GPHN: variants seen among roughly 807,000 people sequenced by gnomAD.
GPHN encodes the protein gephyrin.
Under a neutral mutation model 95.5 loss-of-function variants are expected in GPHN, and 17 were observed. That is an observed-to-expected ratio of 0.18 (90% confidence interval 0.12 to 0.27). GPHN has a LOEUF of 0.27. Ranked by LOEUF, GPHN falls within the 10% of genes least tolerant of loss-of-function variation. GPHN has a pLI of 1.00. For synonymous variants in GPHN, 320 were observed against 322.5 expected (o/e 0.99, Z 0.08); for missense variants, 660 against 978.1 (o/e 0.67, Z 4.34).
the GPHN span, among the ~76,000 whole-genome samples, chr14:67,399,738 G>T: frequency 1.3e-5 from 2 of 151,916 alleles, no homozygotes; most frequent in African/African-American, 2.4e-5. Context: ...GTCTCAGGTG[G>T]CAGGAATAAA....
intron 12 of GPHN, among the ~76,000 whole-genome samples, chr14:67,096,376 G>C (rs1210260572): frequency 6.6e-6 from 1 of 152,034 alleles, no homozygotes; most frequent in Non-Finnish European, 1.5e-5. Context: ...ATGACCTCCA[G>C]CTACTCATTA....
chr14:67,355,615 C>G, the GPHN span, among the ~76,000 whole-genome samples: 1 of 152,028 alleles, frequency 6.6e-6, no homozygotes. Context: ...GAGACTAGAA[C>G]AGCCAAAGGA....
intron 2 of GPHN, among the ~76,000 whole-genome samples, chr14:66,731,591 G>A (rs1469846351): frequency 6.6e-6 from 1 of 152,232 alleles, no homozygotes; most frequent in Non-Finnish European, 1.5e-5. Flanking sequence ...GTTTAAAAGG[G>A]AAGCAGAGCA....
chr14:66,976,925 G>T (rs546800153), intron 9 of GPHN, among the ~76,000 whole-genome samples: 1 of 131,276 alleles, frequency 7.6e-6, no homozygotes, highest in East Asian at 2.6e-4. Context: ...TGGGGGGGGG[G>T]GGAGTACACT....
At chr14:67,656,123 G>A in the GPHN span, among the ~76,000 whole-genome samples, 2 of 151,964 alleles carry the variant, frequency 1.3e-5, no homozygotes, top group Non-Finnish European at 2.9e-5. Context: ...GCGCATGCCT[G>A]TAATCCCAGC....
At chr14:67,017,920 T>C (rs1180198446) in intron 9 of GPHN, among the ~76,000 whole-genome samples, 1 of 152,086 alleles carries the variant, frequency 6.6e-6, no homozygotes, top group Non-Finnish European at 1.5e-5. Context: ...AAATAAATTT[T>C]AGTCTGCTGA....
At chr14:67,655,525 T>C in the GPHN span, among the ~76,000 whole-genome samples, 1 of 151,492 alleles carries the variant, frequency 6.6e-6, no homozygotes, top group Admixed American at 6.5e-5. Context: ...TTTTCCCTAT[T>C]ACTTTTTTTT....
the GPHN span, among the ~76,000 whole-genome samples, chr14:67,726,438 G>T: frequency 2.0e-5 from 3 of 152,186 alleles, no homozygotes; most frequent in Non-Finnish European, 4.4e-5. Context: ...TGCCAGGCAG[G>T]GCCAGACCTG....
intron 18 of GPHN, among the ~76,000 whole-genome samples, chr14:67,149,635 T>C (rs1159959463): frequency 6.6e-6 from 1 of 152,244 alleles, no homozygotes; most frequent in African/African-American, 2.4e-5. Context: ...TCTGTCATTA[T>C]TGTTCCTTAT....
At chr14:67,733,853 T>G in the GPHN span, 2 of 1,599,848 alleles carry the variant, frequency 1.3e-6, no homozygotes, top group Middle Eastern at 1.7e-4. Context: ...GAGTAGCTGG[T>G]GGAAGAGCTG....
the GPHN span, chr14:67,656,557 C>T: frequency 1.2e-6 from 2 of 1,613,194 alleles, no homozygotes; most frequent in Non-Finnish European, 1.7e-6. Flanking sequence ...CAGTGCCCTG[C>T]AGAAGCATTG....
intron 1 of GPHN, among the ~76,000 whole-genome samples, chr14:66,615,083 T>C (rs1324925505): frequency 2.0e-5 from 3 of 152,230 alleles, no homozygotes; most frequent in African/African-American, 4.8e-5. Flanking sequence ...CCATGGTGTA[T>C]ACGTATCACA....
the GPHN span, among the ~76,000 whole-genome samples, chr14:67,461,892 C>T: frequency 6.6e-6 from 1 of 152,124 alleles, no homozygotes. Context: ...ACAGGCTTTC[C>T]CTTGGAGTTT....
At chr14:66,825,652 A>G (rs895196309) in intron 4 of GPHN, among the ~76,000 whole-genome samples, 10 of 148,924 alleles carry the variant, frequency 6.7e-5, no homozygotes, top group Non-Finnish European at 1.5e-5. Flanking sequence ...TGAAAATGCA[A>G]TTTTAAGAAT....
chr14:66,780,841 G>A (rs2059578906), intron 3 of GPHN, among the ~76,000 whole-genome samples: 1 of 152,150 alleles, frequency 6.6e-6, no homozygotes, highest in Non-Finnish European at 1.5e-5. Flanking sequence ...GAAGCATACG[G>A]ATGTAATGTT....
chr14:66,934,012 G>A (rs1036103651), intron 8 of GPHN, among the ~76,000 whole-genome samples: 1 of 151,890 alleles, frequency 6.6e-6, no homozygotes, highest in East Asian at 1.9e-4. Flanking sequence ...TGTGGCACAT[G>A]CCTGTAGTCC....
chr14:66,676,700 G>T (rs1246674313), intron 1 of GPHN, among the ~76,000 whole-genome samples: 9 of 127,154 alleles, frequency 7.1e-5, no homozygotes, highest in South Asian at 4.8e-4. Flanking sequence ...ATGTGCCTTT[G>T]GATTCAGATT....
chr14:67,704,162 G>A, the GPHN span, among the ~76,000 whole-genome samples: 2 of 152,034 alleles, frequency 1.3e-5, no homozygotes, highest in Non-Finnish European at 2.9e-5. Flanking sequence ...TGTGTGTATT[G>A]TGAAATTCTA....
At chr14:67,723,566 T>A in the GPHN span, among the ~76,000 whole-genome samples, 38 of 152,316 alleles carry the variant, frequency 2.5e-4, no homozygotes, top group South Asian at 1.7e-3. Context: ...GGAGGTTAAA[T>A]GGACCTACCA....
Sources: gnomAD v4.1 joint callset for allele counts (sites outside exome capture counted in the v4.1 genomes callset) on GRCh38, gnomAD v4.1.1 for gene constraint, MANE v1.5 for transcripts, NCBI Gene and HGNC (gene_info 2026-07-23, HGNC 2026-07-21) for gene names.